The following SHPRH variants were observed in gnomAD, a reference collection of about 807,000 sequenced individuals.
The protein encoded by SHPRH is SNF2 histone linker PHD RING helicase.
In SHPRH, 106 loss-of-function variants were observed where a neutral mutation model predicts 202.5. The ratio of observed to expected loss-of-function variants is 0.52; its 90% CI spans 0.45 to 0.62. The LOEUF is 0.62. SHPRH is among the 20% of genes least tolerant of loss of function. The pLI is 0.00. For missense variants in SHPRH, 1,710 were observed against 2,020.0 expected (o/e 0.85, Z 2.94); for synonymous variants, 729 against 686.0 (o/e 1.06, Z -0.98).
chr6:145,911,674 C>T lies in SHPRH; in HGVS notation c.4327-1038G>A, dbSNP rs550196696. Among the ~76,000 whole-genome samples the T allele has an allele frequency of 3.3e-5, 5 of 151,812 alleles. No homozygotes were observed. In the East Asian group the frequency reaches 1.0e-3, roughly 30 times the overall value. On this transcript the variant is annotated intron_variant, in intron 24 of 29. Transcript: ENST00000275233. ...GTGACAAAGCTTCTAAATCCTTAAG[C>T]TATGTTTTTTTTAAGATTTGGACAT...
At chr6:145,876,003 T>G (rs554383349) in intron 2 of SHPRH, among the ~76,000 whole-genome samples, 1 of 152,364 alleles carries the variant, frequency 6.6e-6, no homozygotes, top group African/African-American at 2.4e-5. Context: ...AAAAATATCT[T>G]CGAGATACAA....
At chr6:145,911,533 C>T (rs1218443663) in intron 24 of SHPRH, among the ~76,000 whole-genome samples, 4 of 152,110 alleles carry the variant, frequency 2.6e-5, no homozygotes, top group African/African-American at 7.2e-5. Flanking sequence ...CAACGAGAGA[C>T]GTAAGAACAA....
chr6:145,962,248 T>C (rs1447634180), intron 1 of SHPRH, among the ~76,000 whole-genome samples: 2 of 152,216 alleles, frequency 1.3e-5, no homozygotes, highest in Admixed American at 6.5e-5. Context: ...GTGTTCACTT[T>C]GAAAGATGGG....
At chr6:145,858,706 T>A in the SHPRH span, among the ~76,000 whole-genome samples, 1 of 152,114 alleles carries the variant, frequency 6.6e-6, no homozygotes, top group Non-Finnish European at 1.5e-5. Context: ...GTGCTGTTGA[T>A]GAAATGTGAA....
At chr6:145,908,848 G>A (rs1783215803) in intron 25 of SHPRH, 1 of 152,086 alleles carries the variant, frequency 6.6e-6, no homozygotes, top group African/African-American at 2.4e-5. Flanking sequence ...GAATGGTACT[G>A]CCTAGGTTTT....
chr6:145,954,367 C>T (rs1342075353), intron 2 of SHPRH, among the ~76,000 whole-genome samples: 1 of 151,988 alleles, frequency 6.6e-6, no homozygotes, highest in Non-Finnish European at 1.5e-5. Context: ...TTCAATCATA[C>T]AATTCCAGAG....
rs1347209812 is a variant in SHPRH at position 145,943,706 on chromosome 6, C to A, written c.1675G>T (p.Asp559Tyr). The A allele has an allele frequency of 2.5e-6, 4 of 1,613,756 alleles. No individual in the cohort carries two copies. The Admixed American group carries it at 6.7e-5, about 27-fold the overall frequency. The stretch of plus-strand genomic sequence containing the variant: ...TAATAATAATAGTAAGGATCATCAT[C>A]ATCATCAGAGGTGTCTGATGGCAAG... Reference protein sequence around the residue: ...EYLPSDTSDDDDDPYYYYYKS... With the variant: ...EYLPSDTSDDYDDPYYYYYKS... The change falls in exon 9 of 30, where the codon GAT becomes TAT. Residue 559 changes from aspartate to tyrosine, a missense_variant. Asp to Tyr is a radical substitution (Grantham distance 160, BLOSUM62 -3). Coordinates refer to ENST00000275233, the MANE Select transcript of SHPRH (RefSeq NM_001042683.3).
downstream of SHPRH, chr6:145,884,117 T>G (rs1780791934): frequency 6.6e-6 from 1 of 152,196 alleles, no homozygotes; most frequent in Admixed American, 6.5e-5. Context: ...TTAAATTCAT[T>G]TCCTAAATAT....
chr6:145,892,508 A>T (rs1781652892), intron 28 of SHPRH, among the ~76,000 whole-genome samples: 1 of 152,152 alleles, frequency 6.6e-6, no homozygotes, highest in Non-Finnish European at 1.5e-5. Context: ...AATGCCTGAC[A>T]TACAGTAGGT....
At position 145,933,189 on chromosome 6, in the gene SHPRH, AG is replaced by A; in HGVS notation, c.2991-12del. 1 of 1,613,820 alleles carries A rather than the reference AG, an allele frequency of 6.2e-7. No homozygotes were observed. Among genetic ancestry groups the A allele is most frequent in the Non-Finnish European group, 8.5e-7 (1 of 1,179,868 alleles). On this transcript the variant is annotated splice_polypyrimidine_tract_variant and intron_variant, in intron 13 of 29. Coordinates refer to ENST00000275233, the MANE Select transcript of SHPRH (RefSeq NM_001042683.3). The stretch of plus-strand genomic sequence containing the variant: ...TCCATTGTCATGGTGCTAAAAGAAA[AG>A]GTAGACTGTTCAAAACTAGAAAGAA...
intron 5 of SHPRH, 104 bp from the exon 6 acceptor site, chr6:145,947,747 T>G (rs1787550878): frequency 1.5e-6 from 2 of 1,342,488 alleles, no homozygotes; most frequent in Non-Finnish European, 2.0e-6. Flanking sequence ...GCATAAAGTC[T>G]AAGTTTATTG....
chr6:145,926,979 T>C (rs1183142281), intron 15 of SHPRH, among the ~76,000 whole-genome samples: 1 of 151,978 alleles, frequency 6.6e-6, no homozygotes, highest in Non-Finnish European at 1.5e-5. Flanking sequence ...GTCAGGCTTG[T>C]GCCCAAAACT....
intron 2 of SHPRH, among the ~76,000 whole-genome samples, chr6:145,873,691 T>A (rs1213191724): frequency 1.9e-5 from 2 of 102,572 alleles, no homozygotes; most frequent in African/African-American, 8.0e-5. Context: ...TAACAGTTGC[T>A]AGAGGAAGGA....
chr6:145,952,012 A>G (rs1406746071), intron 3 of SHPRH: 3 of 401,374 alleles, frequency 7.5e-6, no homozygotes, highest in East Asian at 1.4e-4. Context: ...GAGGTGGAAT[A>G]AACGCCAGCC....
Position 145,935,158 on chromosome 6 carries a change from T to C in SHPRH, c.2739A>G (p.Gln913=), listed in dbSNP as rs1407432757. The C allele has an allele frequency of 2.5e-6, 4 of 1,613,496 alleles. No homozygotes were observed. The Admixed American group carries it at 6.7e-5, about 27-fold the overall frequency. The change falls in exon 13 of 30, where the codon CAA becomes CAG. Residue 913 remains glutamine, a synonymous_variant. Coordinates refer to ENST00000275233, the MANE Select transcript of SHPRH (RefSeq NM_001042683.3). ...SAKKDVIDQI[Q]IPPQTEEIHW... is the part of the protein sequence containing the mutation. ...GTATTTCTTCGGTTTGTGGTGGTAT[T>C]TGGATCTGTGAAAAGGAGCAGAAAA...
intron 14 of SHPRH, among the ~76,000 whole-genome samples, chr6:145,927,591 T>C (rs957533043): frequency 6.6e-6 from 1 of 151,796 alleles, no homozygotes; most frequent in Non-Finnish European, 1.5e-5. Flanking sequence ...AACTTTTAAT[T>C]TAGACAAAAA....
chr6:145,927,964 C>G (rs1258121166), intron 14 of SHPRH, among the ~76,000 whole-genome samples: 4 of 151,764 alleles, frequency 2.6e-5, no homozygotes, highest in Admixed American at 1.3e-4. Context: ...AAAGTATGGC[C>G]CATGGGTCAT....
chr6:145,934,988 A>G lies in SHPRH; in HGVS notation c.2909T>C (p.Ile970Thr). Reference protein sequence around the residue: ...SSLDRRTVTSILYPLLRLRQA... With the variant: ...SSLDRRTVTSTLYPLLRLRQA... ...TCTGAGCCTCAGCAATGGATACAGG[A>G]TAGAGGTGACAGTCCTTCTGTCTAG... is the stretch of plus-strand genomic sequence containing the variant. The change falls in exon 13 of 30, where the codon ATC (isoleucine) becomes ACC (threonine). Residue 970 changes from isoleucine to threonine, a missense_variant. By Grantham distance (89) the Ile-to-Thr change is moderately conservative. Around this residue, in one of 8 missense-constraint regions of SHPRH, gnomAD observed 277 missense variants for 363.0 expected, o/e 0.76. Coordinates refer to ENST00000275233, the MANE Select transcript of SHPRH (RefSeq NM_001042683.3). The G allele has an allele frequency of 6.2e-7, 1 of 1,614,038 alleles. No individual in the cohort carries two copies. Among genetic ancestry groups the G allele is most frequent in the Non-Finnish European group, 8.5e-7 (1 of 1,179,996 alleles).
At chr6:145,863,021 A>G (rs1779634846), downstream of SHPRH, among the ~76,000 whole-genome samples, 1 of 152,218 alleles carries the variant, frequency 6.6e-6, no homozygotes, top group African/African-American at 2.4e-5. Context: ...GTAGTGTCCA[A>G]TGTCACTGGA....
Sources: allele counts gnomAD v4.1 joint callset (sites outside exome capture counted in the v4.1 genomes callset), GRCh38; gene constraint gnomAD v4.1.1; regional missense constraint gnomAD v4.1.1; transcripts MANE v1.5; gene names NCBI Gene and HGNC (gene_info 2026-07-23, HGNC 2026-07-21).